SNCAIP: variants seen among roughly 807,000 people sequenced by gnomAD.
The protein encoded by SNCAIP is synuclein alpha interacting protein.
Under a neutral mutation model 86.7 loss-of-function variants are expected in SNCAIP, and 43 were observed. That is an observed-to-expected ratio of 0.50 (90% CI 0.39 to 0.64). The LOEUF is 0.64. Ranked by LOEUF, SNCAIP falls within the 30% of genes least tolerant of loss-of-function variation. The pLI is 0.00. For synonymous variants in SNCAIP, 417 were observed against 427.2 expected (o/e 0.98, Z 0.29); for missense variants, 981 against 1,103.1 (o/e 0.89, Z 1.57).
rs187263848 is a variant in SNCAIP, at chr5:122,438,162, T to G, written c.1297-2467T>G. ...AATACAGCAGGTCCTTACATTAACC[T>G]GGTTTCTTTCAACATCATCTTCTTA... On this transcript the variant is annotated intron_variant, in intron 6 of 10. Transcript: ENST00000261368. 1.8e-3 allele frequency among the ~76,000 whole-genome samples: 281 copies of G among 152,346 alleles called. 3 individuals carry two copies. The highest frequency in any genetic ancestry group is 0.01 in the Middle Eastern group (3 of 294).
At chr5:122,409,969 G>A (rs1773788061) in intron 3 of SNCAIP, among the ~76,000 whole-genome samples, 1 of 152,154 alleles carries the variant, frequency 6.6e-6, no homozygotes, top group Non-Finnish European at 1.5e-5. Flanking sequence ...CTAAAGAGCA[G>A]GGAAACACAT....
intron 3 of SNCAIP, among the ~76,000 whole-genome samples, chr5:122,412,276 A>T (rs1305279409): frequency 6.6e-6 from 1 of 152,110 alleles, no homozygotes; most frequent in Non-Finnish European, 1.5e-5. Flanking sequence ...TTAAAAAGTC[A>T]TGGGAAACTC....
intron 3 of SNCAIP, among the ~76,000 whole-genome samples, chr5:122,412,944 TA>T (rs1354222745): frequency 1.3e-5 from 2 of 152,202 alleles, no homozygotes; most frequent in Non-Finnish European, 2.9e-5. Flanking sequence ...TGCTATAAAC[TA>T]AATGTTTGCG....
intron 7 of SNCAIP, among the ~76,000 whole-genome samples, chr5:122,441,595 C>A (rs1780941262): frequency 6.6e-6 from 1 of 152,128 alleles, no homozygotes; most frequent in Non-Finnish European, 1.5e-5. Context: ...CAGTTGAATG[C>A]AGAGCTGCAT....
At chr5:122,352,688 A>AT (rs1250938432) in intron 1 of SNCAIP, among the ~76,000 whole-genome samples, 1 of 152,210 alleles carries the variant, frequency 6.6e-6, no homozygotes. Flanking sequence ...CATAGTCAAT[A>AT]TGACATGGCT....
chr5:122,382,498 G>A lies in SNCAIP; in HGVS notation c.-46-8591G>A, dbSNP rs564394012. Among the ~76,000 whole-genome samples, 129 of 152,180 alleles carry A rather than the reference G, an allele frequency of 8.5e-4. 1 individual carries two copies. The Middle Eastern group carries it at 0.014, about 16-fold the overall frequency. On this transcript the variant is annotated intron_variant, in intron 1 of 10. Transcript: ENST00000261368. Reference sequence around the variant, plus strand: ...TTGCCTTTGGTTTGAATGTCCTCCCGTAGCTCAGAGTAATTTGATCGTCTG... The same window carrying A: ...TTGCCTTTGGTTTGAATGTCCTCCCATAGCTCAGAGTAATTTGATCGTCTG...
At chr5:122,369,159 T>A (rs1474289136) in intron 1 of SNCAIP, among the ~76,000 whole-genome samples, 2 of 152,204 alleles carry the variant, frequency 1.3e-5, no homozygotes, top group Non-Finnish European at 2.9e-5. Flanking sequence ...CCATCCTTTC[T>A]TAGAAGACAT....
intron 1 of SNCAIP, among the ~76,000 whole-genome samples, chr5:122,362,868 T>G (rs1489977472): frequency 6.6e-6 from 1 of 152,200 alleles, no homozygotes; most frequent in Non-Finnish European, 1.5e-5. Flanking sequence ...AGCCTCACCT[T>G]GGACTCTGAA....
intron 2 of SNCAIP, among the ~76,000 whole-genome samples, chr5:122,393,073 T>C (rs1407748102): frequency 1.3e-5 from 2 of 152,178 alleles, no homozygotes; most frequent in Non-Finnish European, 2.9e-5. Flanking sequence ...GGCTACAGGA[T>C]TATGCAATAG....
At chr5:122,332,195 A>G (rs1755499421) in intron 1 of SNCAIP, among the ~76,000 whole-genome samples, 1 of 152,248 alleles carries the variant, frequency 6.6e-6, no homozygotes, top group Admixed American at 6.5e-5. Flanking sequence ...TATGTATTTG[A>G]TATCATAATG....
In SNCAIP at chr5:122,451,200, A is replaced by G. The variant is rs756310360; in HGVS notation, c.2353A>G (p.Ser785Gly). The change falls in exon 10 of 11, where the codon AGT becomes GGT. Residue 785 changes from serine (S) to glycine (G), a missense_variant. Coordinates refer to ENST00000261368, the MANE Select transcript of SNCAIP (RefSeq NM_005460.4). ...TGACCCTCAGCAGCCCAGCCCTGAC[A>G]GTACTGCTGCCCAGAAAGTTGCCAC... is the stretch of plus-strand genomic sequence containing the variant. ...SGDPQQPSPD[S>G]TAAQKVATSP... The G allele has an allele frequency of 6.2e-7, 1 of 1,614,120 alleles. No individual in the cohort carries two copies. Among genetic ancestry groups the G allele is most frequent in the East Asian group, 2.2e-5 (1 of 44,878 alleles).
intron 1 of SNCAIP, among the ~76,000 whole-genome samples, chr5:122,363,917 G>A (rs573940405): frequency 1.3e-5 from 2 of 151,932 alleles, no homozygotes; most frequent in South Asian, 4.2e-4. Context: ...CAAACTCCTG[G>A]GTTCAAGCAA....
chr5:122,446,960 T>G (rs1256370193), intron 8 of SNCAIP, among the ~76,000 whole-genome samples: 1 of 152,168 alleles, frequency 6.6e-6, no homozygotes, highest in Non-Finnish European at 1.5e-5. Context: ...ATCAAAAAAG[T>G]ATGTTAGATT....
chr5:122,407,840 A>G (rs957291116), intron 3 of SNCAIP, among the ~76,000 whole-genome samples: 3 of 152,208 alleles, frequency 2.0e-5, no homozygotes, highest in Non-Finnish European at 4.4e-5. Context: ...TCCCAACCAC[A>G]GGGTCATGTA....
intron 3 of SNCAIP, among the ~76,000 whole-genome samples, chr5:122,409,892 G>A (rs1198512178): frequency 6.6e-6 from 1 of 152,160 alleles, no homozygotes; most frequent in African/African-American, 2.4e-5. Context: ...GTGAAGGTTG[G>A]TATGGCAGTT....
chr5:122,408,191 C>T (rs1773393571), intron 3 of SNCAIP, among the ~76,000 whole-genome samples: 1 of 152,218 alleles, frequency 6.6e-6, no homozygotes, highest in Non-Finnish European at 1.5e-5. Flanking sequence ...ACCAGAGGTT[C>T]CTCCACATGT....
In SNCAIP at chr5:122,450,758, A is replaced by G. The variant is rs1277608416; in HGVS notation, c.1911A>G (p.Lys637=). 5 of 1,613,918 alleles carry G rather than the reference A, an allele frequency of 3.1e-6. No homozygotes were observed. In the African/African-American group the frequency reaches 4.0e-5, roughly 13 times the overall value. The part of the protein sequence containing the change: ...EISENVCTQE[K]LSLEFQDAQA... Reference sequence around the variant, plus strand: ...CAGAAAATGTCTGCACCCAGGAAAAACTGTCCTTGGAATTCCAGGATGCTC... The same window carrying G: ...CAGAAAATGTCTGCACCCAGGAAAAGCTGTCCTTGGAATTCCAGGATGCTC... Residue 637 remains lysine, a synonymous_variant, in exon 10 of 11, where the codon AAA becomes AAG. Transcript: ENST00000261368.
intron 2 of SNCAIP, among the ~76,000 whole-genome samples, chr5:122,392,282 C>T (rs1258740103): frequency 1.3e-5 from 2 of 151,748 alleles, no homozygotes; most frequent in African/African-American, 4.8e-5. Flanking sequence ...GTGAATTCAA[C>T]ATTTGCCTAT....
intron 1 of SNCAIP, among the ~76,000 whole-genome samples, chr5:122,331,062 A>G (rs1344158681): frequency 6.6e-6 from 1 of 152,092 alleles, no homozygotes; most frequent in Non-Finnish European, 1.5e-5. Context: ...TGCTGATCTG[A>G]CGGGAGGTGG....
Sources: gnomAD v4.1 joint callset for allele counts (sites outside exome capture counted in the v4.1 genomes callset) on GRCh38, gnomAD v4.1.1 for gene constraint, MANE v1.5 for transcripts, NCBI Gene and HGNC (gene_info 2026-07-23, HGNC 2026-07-21) for gene names.